The following MKLN1 variants were observed in gnomAD, a reference collection of about 807,000 sequenced individuals.
MKLN1 encodes the protein muskelin.
MKLN1 carries 18 observed loss-of-function variants against 99.0 expected under a neutral mutation model. The ratio of observed to expected loss-of-function variants is 0.18; its 90% CI spans 0.13 to 0.27. MKLN1 has a LOEUF of 0.27. Ranked by LOEUF, MKLN1 falls within the 10% of genes least tolerant of loss-of-function variation. The pLI is 1.00. For synonymous variants in MKLN1, 288 were observed against 293.2 expected (o/e 0.98, Z 0.18); for missense variants, 621 against 875.9 (o/e 0.71, Z 3.67).
chr7:131,311,576 C>T (rs1798564637), intron 3 of MKLN1, among the ~76,000 whole-genome samples: 1 of 152,080 alleles, frequency 6.6e-6, no homozygotes, highest in South Asian at 2.1e-4. Context: ...CCAGAGGTTC[C>T]TTTTGGAAAA....
intron 3 of MKLN1, among the ~76,000 whole-genome samples, chr7:131,319,788 T>G (rs1005888008): frequency 6.6e-6 from 1 of 152,018 alleles, no homozygotes; most frequent in Admixed American, 6.6e-5. Flanking sequence ...ACACCAATCA[T>G]AGAGAACAGA....
At chr7:131,471,181 A>C (rs1584776927) in intron 16 of MKLN1, 2 of 350,572 alleles carry the variant, frequency 5.7e-6, no homozygotes, top group East Asian at 6.3e-5. Flanking sequence ...TATCAGGTAT[A>C]AAGTTTTAAC....
rs1166521107 is a variant in MKLN1 at position 131,397,272 on chromosome 7, C to G, written c.406C>G (p.Leu136Val). The change falls in exon 5 of 18, where the codon CTC becomes GTC. Residue 136 changes from leucine to valine, a missense_variant. Leu to Val is a conservative substitution (Grantham distance 32). This residue lies in a region of MKLN1 where 361 missense variants were observed against 540.8 expected (regional missense o/e 0.67). Coordinates refer to ENST00000352689, the MANE Select transcript of MKLN1 (RefSeq NM_013255.5). ...TTTGTTTTTTCTCCTTAAAGTTCCA[C>G]TCTTGTCCTGGGGACCCAGCTTTAA... ...FPCRFIKIVP[L>V]LSWGPSFNFS... 4 of 1,603,578 alleles carry G rather than the reference C, an allele frequency of 2.5e-6. No homozygotes were observed. The highest frequency in any genetic ancestry group is 2.6e-6 in the Non-Finnish European group (3 of 1,173,340).
At chr7:131,450,117 TA>T (rs1459111249) in intron 12 of MKLN1, among the ~76,000 whole-genome samples, 1 of 152,180 alleles carries the variant, frequency 6.6e-6, no homozygotes, top group Non-Finnish European at 1.5e-5. Flanking sequence ...TAGTTTGGGC[TA>T]ACATCACCTA....
chr7:131,349,133 G>A (rs1279472262), intron 1 of MKLN1, among the ~76,000 whole-genome samples: 1 of 151,804 alleles, frequency 6.6e-6, no homozygotes, highest in African/African-American at 2.4e-5. Context: ...GATTATTTTA[G>A]TAAAATTAAT....
intron 5 of MKLN1, among the ~76,000 whole-genome samples, chr7:131,398,901 A>G (rs944683025): frequency 1.3e-5 from 2 of 152,178 alleles, no homozygotes; most frequent in African/African-American, 2.4e-5. Flanking sequence ...AATGGGATTA[A>G]TAGATGCTAT....
At chr7:131,155,172 C>A (rs143341926) in intron 2 of MKLN1, among the ~76,000 whole-genome samples, 1 of 152,204 alleles carries the variant, frequency 6.6e-6, no homozygotes, top group African/African-American at 2.4e-5. Context: ...CTTAAAAGTC[C>A]TACTTATTTG....
chr7:131,353,902 G>GT (rs1799794663), intron 1 of MKLN1, among the ~76,000 whole-genome samples: 4 of 41,480 alleles, frequency 9.6e-5, no homozygotes, highest in East Asian at 8.2e-4. Flanking sequence ...TTGTACCTTT[G>GT]TAAAAAAAAA....
At chr7:131,449,066 ACAAGGGAAGTC>A (rs1049421442) in intron 12 of MKLN1, among the ~76,000 whole-genome samples, 2 of 152,250 alleles carry the variant, frequency 1.3e-5, no homozygotes, top group Non-Finnish European at 2.9e-5. Context: ...ATAATGAATA[ACAAGGGAAGTC>A]TCATTTAAAC....
At chr7:131,454,331 TA>T (rs1241101119) in intron 12 of MKLN1, among the ~76,000 whole-genome samples, 1 of 152,228 alleles carries the variant, frequency 6.6e-6, no homozygotes, top group Admixed American at 6.5e-5. Flanking sequence ...TTCAGTTTTT[TA>T]TAGCTTAATA....
chr7:131,191,603 G>A (rs994015911), intron 2 of MKLN1, among the ~76,000 whole-genome samples: 3 of 152,048 alleles, frequency 2.0e-5, no homozygotes, highest in East Asian at 1.9e-4. Flanking sequence ...TCTTGCCTTC[G>A]TGTTACCAAT....
At chr7:131,330,447 T>A (rs554105142) in intron 1 of MKLN1, among the ~76,000 whole-genome samples, 1 of 152,324 alleles carries the variant, frequency 6.6e-6, no homozygotes, top group East Asian at 1.9e-4. Context: ...GTGTATCAAC[T>A]CATTTAATCC....
intron 3 of MKLN1, among the ~76,000 whole-genome samples, chr7:131,304,998 A>T (rs562963808): frequency 6.6e-6 from 1 of 152,290 alleles, no homozygotes; most frequent in South Asian, 2.1e-4. Flanking sequence ...CCACCATATG[A>T]GGACACAGCC....
At chr7:131,151,587 C>T (rs1044714641) in intron 2 of MKLN1, among the ~76,000 whole-genome samples, 3 of 152,038 alleles carry the variant, frequency 2.0e-5, no homozygotes, top group African/African-American at 7.2e-5. Context: ...AATAATTAGC[C>T]TTGCCCAATT....
At chr7:131,247,529 A>T (rs1256908522) in intron 3 of MKLN1, among the ~76,000 whole-genome samples, 1 of 151,966 alleles carries the variant, frequency 6.6e-6, no homozygotes, top group Non-Finnish European at 1.5e-5. Flanking sequence ...AGAGCTTTAT[A>T]TGTGTGAAGG....
At chr7:131,161,897 T>G (rs1346781761) in intron 2 of MKLN1, among the ~76,000 whole-genome samples, 1 of 150,688 alleles carries the variant, frequency 6.6e-6, no homozygotes, top group East Asian at 1.9e-4. Flanking sequence ...AACACATTGT[T>G]TTTTTCACTA....
intron 3 of MKLN1, among the ~76,000 whole-genome samples, chr7:131,213,109 C>T (rs753490894): frequency 5.3e-5 from 8 of 151,952 alleles, no homozygotes; most frequent in Admixed American, 6.6e-5. Context: ...AGTTGCAATA[C>T]GTGATTCCCA....
At chr7:131,465,860 A>G (rs1353555752) in intron 14 of MKLN1, among the ~76,000 whole-genome samples, 1 of 152,170 alleles carries the variant, frequency 6.6e-6, no homozygotes, top group Non-Finnish European at 1.5e-5. Flanking sequence ...TAAAGTTTCT[A>G]GTTGACCTGT....
chr7:131,383,163 C>T (rs1793903830), intron 2 of MKLN1, among the ~76,000 whole-genome samples: 1 of 152,266 alleles, frequency 6.6e-6, no homozygotes, highest in East Asian at 1.9e-4. Context: ...TTATGTTTCT[C>T]TACTTGTCCT....
Sources: gnomAD v4.1 joint callset for allele counts (sites outside exome capture counted in the v4.1 genomes callset) on GRCh38, gnomAD v4.1.1 for gene constraint, gnomAD v4.1.1 regional missense constraint, MANE v1.5 for transcripts, NCBI Gene and HGNC (gene_info 2026-07-23, HGNC 2026-07-21) for gene names.